The following MGAT4C variants were observed in gnomAD, a reference collection of about 807,000 sequenced individuals.
MGAT4C encodes alpha-1,3-mannosyl-glycoprotein 4-beta-N-acetylglucosaminyltransferase C.
In MGAT4C, 19 loss-of-function variants were observed where a neutral mutation model predicts 40.1. The observed-to-expected ratio is 0.47, with a 90% CI of 0.33 to 0.70. The LOEUF (loss-of-function observed/expected upper bound fraction) is 0.70, where lower values mean the gene tolerates loss of function less well. Ranked by LOEUF, MGAT4C falls within the 30% of genes least tolerant of loss-of-function variation. The pLI, the probability that MGAT4C is intolerant of heterozygous loss-of-function variation, is 0.02. For synonymous variants in MGAT4C, 181 were observed against 187.1 expected (o/e 0.97, Z 0.27); for missense variants, 491 against 563.2 (o/e 0.87, Z 1.30).
intron 1 of MGAT4C, among the ~76,000 whole-genome samples, chr12:86,223,249 T>C (rs554373047): frequency 3.3e-5 from 5 of 152,318 alleles, no homozygotes; most frequent in African/African-American, 9.6e-5. Flanking sequence ...TTCCCACAGC[T>C]ACCTGCCGGT....
Position 85,979,518 on chromosome 12 carries a change from T to C in MGAT4C, c.1208A>G (p.Asn403Ser). ...TAGGGCTCCATGATGCAAAATATCA[T>C]TTTGCCGATCTTCTGTTCCAGTATT... ...KVNTGTEDRQ[N>S]DILHHGALDV... Residue 403 changes from asparagine to serine, a missense_variant, in exon 5 of 5, where the codon AAT becomes AGT. By Grantham distance (46) the Asn-to-Ser change is conservative. Transcript: ENST00000611864. 1 of 1,612,696 alleles carries C rather than the reference T, an allele frequency of 6.2e-7. No individual in the cohort carries two copies. The highest frequency in any genetic ancestry group is 1.1e-5 in the South Asian group (1 of 91,006).
At chr12:86,290,164 A>G (rs1953471957) in intron 4 of MGAT4C, among the ~76,000 whole-genome samples, 1 of 151,824 alleles carries the variant, frequency 6.6e-6, no homozygotes, top group Non-Finnish European at 1.5e-5. Context: ...CTCCTGCCTC[A>G]GCCGCCCAAG....
intron 2 of MGAT4C, among the ~76,000 whole-genome samples, chr12:86,547,919 G>A (rs985115717): frequency 1.3e-5 from 2 of 152,064 alleles, no homozygotes; most frequent in African/African-American, 4.8e-5. Flanking sequence ...TCAACACTTT[G>A]GTTGGCTTTT....
At chr12:86,141,987 G>A (rs373512964) in intron 1 of MGAT4C, among the ~76,000 whole-genome samples, 1 of 152,032 alleles carries the variant, frequency 6.6e-6, no homozygotes. Flanking sequence ...TCTTACAGGG[G>A]AGTGGTCTTA....
chr12:86,622,059 T>C (rs567246925), intron 2 of MGAT4C, among the ~76,000 whole-genome samples: 1 of 152,272 alleles, frequency 6.6e-6, no homozygotes, highest in South Asian at 2.1e-4. Context: ...TGTATGCTTT[T>C]AAGGTAGGCT....
chr12:86,191,135 C>G (rs1291202218), intron 1 of MGAT4C, among the ~76,000 whole-genome samples: 1 of 136,074 alleles, frequency 7.3e-6, no homozygotes, highest in Non-Finnish European at 1.6e-5. Context: ...ACACACACAC[C>G]CCTATAGGGT....
chr12:86,230,115 G>A (rs1951255936), intron 1 of MGAT4C, among the ~76,000 whole-genome samples: 1 of 152,002 alleles, frequency 6.6e-6, no homozygotes, highest in African/African-American at 2.4e-5. Flanking sequence ...CTATGATAGT[G>A]TCTAGTATAT....
intron 2 of MGAT4C, among the ~76,000 whole-genome samples, chr12:86,024,133 A>G (rs1372786622): frequency 7.2e-5 from 11 of 151,874 alleles, no homozygotes; most frequent in Non-Finnish European, 1.6e-4. Context: ...TATATTTTGT[A>G]CTTTTTAAAA....
chr12:86,450,605 T>C (rs894661649), intron 2 of MGAT4C, among the ~76,000 whole-genome samples: 2 of 152,072 alleles, frequency 1.3e-5, no homozygotes, highest in Non-Finnish European at 2.9e-5. Flanking sequence ...CTATATCTTG[T>C]TATTTTCTGG....
intron 2 of MGAT4C, among the ~76,000 whole-genome samples, chr12:86,528,461 T>C (rs1007611809): frequency 1.3e-5 from 2 of 152,084 alleles, no homozygotes; most frequent in Non-Finnish European, 2.9e-5. Context: ...TTATCTTTCT[T>C]CTTCCTATGT....
At chr12:86,176,676 T>A (rs969381600) in intron 1 of MGAT4C, among the ~76,000 whole-genome samples, 8 of 151,816 alleles carry the variant, frequency 5.3e-5, no homozygotes, top group Middle Eastern at 3.4e-3. Flanking sequence ...CTTTAATAGT[T>A]TAAGGATATT....
At chr12:86,157,405 A>G (rs974498658) in intron 1 of MGAT4C, among the ~76,000 whole-genome samples, 2 of 152,160 alleles carry the variant, frequency 1.3e-5, no homozygotes, top group African/African-American at 4.8e-5. Context: ...ATTAAAGGCA[A>G]TGCTTAAAGA....
intron 4 of MGAT4C, among the ~76,000 whole-genome samples, chr12:86,321,291 A>G (rs1486117527): frequency 6.6e-6 from 1 of 152,166 alleles, no homozygotes; most frequent in Non-Finnish European, 1.5e-5. Context: ...AAATATTTTG[A>G]TTTAACATGT....
At position 86,603,610 on chromosome 12, in the gene MGAT4C, A is replaced by G. The variant is rs1289553975; in HGVS notation, c.-229+123599T>C. 2.9e-3 allele frequency among the ~76,000 whole-genome samples: 358 copies of G among 124,124 alleles called. 3 individuals are homozygous for G. The highest frequency in any genetic ancestry group is 0.01 in the African/African-American group (335 of 32,154). The allele number at this position is 124,124 out of a possible 152,430, so 81.4% of individuals were successfully genotyped here. ...TCATATAGTCTATAGACTATAGATA[A>G]TATATATTATATAGTCTATAGACTA... On this transcript the variant is annotated intron_variant, in intron 2 of 7. Transcript: ENST00000548651.
chr12:86,137,267 T>C (rs1365594060), intron 1 of MGAT4C, among the ~76,000 whole-genome samples: 2 of 152,210 alleles, frequency 1.3e-5, no homozygotes, highest in Admixed American at 6.5e-5. Context: ...TTATTTTGCA[T>C]CTTAAATATT....
At chr12:86,762,742 C>T (rs1219093413) in intron 1 of MGAT4C, among the ~76,000 whole-genome samples, 1 of 152,176 alleles carries the variant, frequency 6.6e-6, no homozygotes, top group Non-Finnish European at 1.5e-5. Flanking sequence ...AAAGGCTCTA[C>T]TTATCACTTG....
intron 2 of MGAT4C, among the ~76,000 whole-genome samples, chr12:86,001,187 C>T (rs1887256807): frequency 6.6e-6 from 1 of 152,136 alleles, no homozygotes; most frequent in Non-Finnish European, 1.5e-5. Flanking sequence ...CAGTAAGAAT[C>T]CTTTCAAGCC....
At chr12:86,743,225 T>C (rs961738162) in intron 1 of MGAT4C, among the ~76,000 whole-genome samples, 1 of 145,778 alleles carries the variant, frequency 6.9e-6, no homozygotes, top group Non-Finnish European at 1.5e-5. Context: ...GCAGAGTTAA[T>C]ATAAGCATTT....
intron 3 of MGAT4C, among the ~76,000 whole-genome samples, chr12:86,376,834 G>C (rs955409843): frequency 1.4e-4 from 17 of 117,422 alleles, no homozygotes; most frequent in Admixed American, 2.9e-4. Context: ...GAGAGAGAGA[G>C]AGAGAGAGAC....
Sources: allele counts gnomAD v4.1 joint callset (sites outside exome capture counted in the v4.1 genomes callset), GRCh38; gene constraint gnomAD v4.1.1; transcripts MANE v1.5; gene names NCBI Gene and HGNC (gene_info 2026-07-23, HGNC 2026-07-21).